The following BDP1 variants were observed in gnomAD, a reference collection of about 807,000 sequenced individuals.
The protein encoded by BDP1 is BDP1 general transcription factor IIIB subunit.
Under a neutral mutation model 266.6 loss-of-function variants are expected in BDP1, and 169 were observed. The ratio of observed to expected loss-of-function variants is 0.63; its 90% confidence interval spans 0.56 to 0.72. BDP1 has a LOEUF of 0.72. Ranked by LOEUF, BDP1 falls within the 30% of genes least tolerant of loss-of-function variation. The pLI is 0.00. For missense variants in BDP1, 3,015 were observed against 3,053.8 expected, an observed-to-expected ratio of 0.99 and a Z score of 0.30; for synonymous variants, 1,090 against 1,022.4, an observed-to-expected ratio of 1.07 and a Z score of -1.26.
chr5:71,535,765 C>G (rs1766559656), intron 26 of BDP1, among the ~76,000 whole-genome samples: 1 of 152,134 alleles, frequency 6.6e-6, no homozygotes, highest in South Asian at 2.1e-4. Flanking sequence ...TCTCAGCATG[C>G]AGCAGCATAC....
At chr5:71,470,552 A>T in intron 7 of BDP1, 63 bp downstream of exon 7, 1 of 1,030,018 alleles carries the variant, frequency 9.7e-7, no homozygotes, top group Non-Finnish European at 1.5e-6. Flanking sequence ...TGTTAGTAGT[A>T]TTATTCGCTT....
chr5:71,487,139 G>T (rs1763307372), intron 9 of BDP1, among the ~76,000 whole-genome samples: 1 of 152,102 alleles, frequency 6.6e-6, no homozygotes, highest in African/African-American at 2.4e-5. Context: ...TGGTCTATAA[G>T]GACAATGTTT....
At chr5:71,539,993 T>C (rs1177316146) in intron 28 of BDP1, among the ~76,000 whole-genome samples, 1 of 152,132 alleles carries the variant, frequency 6.6e-6, no homozygotes, top group Non-Finnish European at 1.5e-5. Context: ...ACTGATATAG[T>C]TTATACATGT....
At chr5:71,495,512 AC>A in intron 12 of BDP1, 104 bp downstream of exon 12, 8 of 646,396 alleles carry the variant, frequency 1.2e-5, no homozygotes, top group Non-Finnish European at 2.0e-5. Flanking sequence ...ATTAATACAT[AC>A]TTTATTAATA....
intron 37 of BDP1, among the ~76,000 whole-genome samples, chr5:71,560,462 T>C (rs1743562087): frequency 6.6e-6 from 1 of 152,256 alleles, no homozygotes; most frequent in South Asian, 2.1e-4. Context: ...AGAAAATCTT[T>C]AGAATATTTT....
At chr5:71,489,753 CTTAA>C in intron 10 of BDP1, 71 bp downstream of exon 10, 1 of 1,354,792 alleles carries the variant, frequency 7.4e-7, no homozygotes, top group South Asian at 1.4e-5. Flanking sequence ...TGGTATGTAA[CTTAA>C]TTTTCTGTCT....
chr5:71,483,783 T>A (rs1561692575), intron 7 of BDP1, 59 bp from the exon 8 acceptor site: 4 of 1,258,650 alleles, frequency 3.2e-6, no homozygotes, highest in Admixed American at 1.8e-5. Context: ...TTACTGCATT[T>A]AAAAAAAAAT....
chr5:71,551,956 C>G (rs1383774187), intron 34 of BDP1, among the ~76,000 whole-genome samples: 1 of 145,564 alleles, frequency 6.9e-6, no homozygotes, highest in African/African-American at 2.6e-5. Context: ...GGGGGGCTGA[C>G]CCCCCCACCT....
rs185065345 is a variant in BDP1 at position 71,518,654 on chromosome 5, A to G, written c.4991+1202A>G. On this transcript the variant is annotated intron_variant, in intron 22 of 38. Coordinates refer to ENST00000358731, the MANE Select transcript of BDP1 (RefSeq NM_018429.3). ...CTTTTTGTAGAGATGGGGTTTCACC[A>G]TGTTGCCCAGGCTGGTCCTGAACTC... Among the ~76,000 whole-genome samples the G allele has an allele frequency of 6.2e-3, 942 of 152,056 alleles. 15 individuals are homozygous for G. Among genetic ancestry groups the G allele is most frequent in the African/African-American group, 0.022 (901 of 41,474 alleles).
intron 8 of BDP1, 44 bp from the exon 9 acceptor site, chr5:71,486,440 T>C: frequency 6.6e-7 from 1 of 1,505,528 alleles, no homozygotes; most frequent in Non-Finnish European, 8.8e-7. Context: ...GAAGTAGCTT[T>C]TAAAAATAAA....
At chr5:71,541,391 G>C in intron 28 of BDP1, 63 bp from the exon 29 acceptor site, 1 of 651,336 alleles carries the variant, frequency 1.5e-6, no homozygotes, top group Non-Finnish European at 2.5e-6. Flanking sequence ...AAATGTTGAG[G>C]AATTTATTTT....
In BDP1 at chr5:71,523,860, T is replaced by A. The variant is rs1011225128; in HGVS notation, c.5388-79T>A. ...TCATTTTAATGACTGGAACTGGAATTTCACTCTAAAAGTTTGGTTTTCATT... is the reference window on the plus strand; with the variant it reads ...TCATTTTAATGACTGGAACTGGAATATCACTCTAAAAGTTTGGTTTTCATT... On this transcript the variant is annotated intron_variant, in intron 24 of 38. Coordinates refer to ENST00000358731, the MANE Select transcript of BDP1 (RefSeq NM_018429.3). The A allele has an allele frequency of 2.2e-6, 3 of 1,372,816 alleles. No homozygotes were observed. In the African/African-American group the frequency reaches 4.3e-5, roughly 20 times the overall value. The allele number at this position is 1,372,816 out of a possible 1,614,324, so 85.0% of individuals were successfully genotyped here.
chr5:71,553,422 A>G, intron 35 of BDP1, 102 bp downstream of exon 35: 1 of 721,030 alleles, frequency 1.4e-6, no homozygotes, highest in East Asian at 2.7e-5. Flanking sequence ...TTAAACTTTT[A>G]GATATATATA....
At chr5:71,519,372 A>G (rs1765385956) in intron 22 of BDP1, among the ~76,000 whole-genome samples, 1 of 152,152 alleles carries the variant, frequency 6.6e-6, no homozygotes, top group Non-Finnish European at 1.5e-5. Context: ...GTTAACTATA[A>G]TTTTTCCTAC....
chr5:71,467,865 G>C (rs1761999109), intron 6 of BDP1, among the ~76,000 whole-genome samples: 1 of 151,926 alleles, frequency 6.6e-6, no homozygotes, highest in Non-Finnish European at 1.5e-5. Context: ...GTAGAGATAG[G>C]GTCTTGATTG....
At chr5:71,475,927 A>G (rs1213329815) in intron 7 of BDP1, 1 of 152,498 alleles carries the variant, frequency 6.6e-6, no homozygotes, top group Non-Finnish European at 1.5e-5. Flanking sequence ...TTCTCATCTG[A>G]GTTAGAGTTA....
chr5:71,522,502 C>CAAAAA lies in BDP1; in HGVS notation c.5193+24_5193+28dup. Reference sequence around the variant, plus strand: ...AGCTCCTTCTAAAAGTAAGTTTGGGCAAAAAAAAAAAAAAAATTTTTTTTC... The same window carrying CAAAAA: ...AGCTCCTTCTAAAAGTAAGTTTGGGCAAAAAAAAAAAAAAAAAAAAATTTTTTTTC... On this transcript the variant is annotated intron_variant, in intron 23 of 38. Transcript: ENST00000358731. 1 of 1,433,882 alleles carries CAAAAA rather than the reference C, an allele frequency of 7.0e-7. No homozygotes were observed. Among genetic ancestry groups the CAAAAA allele is most frequent in the Non-Finnish European group, 9.4e-7 (1 of 1,065,146 alleles). 88.8% of individuals were successfully genotyped at this position (1,433,882 alleles called of 1,614,324 possible).
chr5:71,506,692 C>A (rs1316831319), intron 16 of BDP1, among the ~76,000 whole-genome samples: 1 of 150,628 alleles, frequency 6.6e-6, no homozygotes, highest in South Asian at 2.1e-4. Context: ...TGCATCTTAC[C>A]TACTTCATAT....
chr5:71,460,775 A>G (rs1761503898), intron 2 of BDP1, among the ~76,000 whole-genome samples: 1 of 152,190 alleles, frequency 6.6e-6, no homozygotes. Flanking sequence ...ATTTTACAGA[A>G]ACTGCTTATT....
Sources: allele counts gnomAD v4.1 joint callset (sites outside exome capture counted in the v4.1 genomes callset), GRCh38; gene constraint gnomAD v4.1.1; transcripts MANE v1.5; gene names NCBI Gene and HGNC (gene_info 2026-07-23, HGNC 2026-07-21).